The following CDH23 variants were observed in gnomAD, a reference collection of about 807,000 sequenced individuals.
CDH23 encodes the protein cadherin-23.
In CDH23, 189 loss-of-function variants were observed where a neutral mutation model predicts 317.1. That is an observed-to-expected ratio of 0.60 (90% confidence interval 0.53 to 0.67). The LOEUF (loss-of-function observed/expected upper bound fraction) is 0.67. Among genes scored for constraint, CDH23 ranks in the 30% least tolerant of loss-of-function variants. The pLI, the probability that CDH23 is intolerant of heterozygous loss-of-function variation, is 0.00. For synonymous variants in CDH23, 1,839 were observed against 1,876.8 expected, an observed-to-expected ratio of 0.98 and a Z score of 0.52; for missense variants, 4,401 against 4,592.4, an observed-to-expected ratio of 0.96 and a Z score of 1.20.
Position 71,732,235 on chromosome 10 carries a change from A to C in CDH23, c.3964A>C (p.Ile1322Leu), listed in dbSNP as rs1258054683. 2 of 1,613,728 alleles carry C rather than the reference A, an allele frequency of 1.2e-6. No homozygotes were observed. The highest frequency in any genetic ancestry group is 1.3e-5 in the African/African-American group (1 of 75,038). ...CTCCAATGCCTCATACGAGGCTGCC[A>C]TCCTGGAGAATCTGGCACTGGGTAC... is the stretch of plus-strand genomic sequence containing the variant. ...QFSNASYEAA[I>L]LENLALGTEI... The change falls in exon 32 of 70, where the codon ATC (isoleucine) becomes CTC (leucine). Residue 1322 changes from isoleucine to leucine, a missense_variant. By Grantham distance (5) the Ile-to-Leu change is conservative. This residue lies in a region of CDH23 where 3,068 missense variants were observed against 3,203.3 expected (regional missense o/e 0.96). Transcript: ENST00000224721.
rs2132805070 is a variant in CDH23, at chr10:71,725,400, T to C, written c.3459T>C (p.His1153=). The part of the protein sequence containing the change: ...HGNHGNNFRI[H]VSNGLLMRGP... ...ACCATGGCAACAACTTCCGGATCCATGTCAGCAATGGGCTCCTGATGCGAG... is the reference window on the plus strand; with the variant it reads ...ACCATGGCAACAACTTCCGGATCCACGTCAGCAATGGGCTCCTGATGCGAG... Residue 1153 remains histidine (H), a synonymous_variant, in exon 30 of 70, where the codon CAT becomes CAC. Transcript: ENST00000224721. 6.2e-7 allele frequency: 1 copy of C among 1,614,020 alleles called. No homozygotes were observed. Among genetic ancestry groups the C allele is most frequent in the Non-Finnish European group, 8.5e-7 (1 of 1,179,892 alleles).
chr10:71,496,829 A>G (rs1480139536), intron 3 of CDH23, among the ~76,000 whole-genome samples: 1 of 33,752 alleles, frequency 3.0e-5, no homozygotes, highest in Admixed American at 2.1e-4. Context: ...GGTCTGGTGT[A>G]CAGATGGACA....
Position 71,809,016 on chromosome 10 carries a change from T to C in CDH23, c.8723-804T>C, listed in dbSNP as rs78375734. On this transcript the variant is annotated intron_variant, in intron 60 of 69. Transcript: ENST00000224721. ...TGAGCTCTCACTGCTCTTATTTTAATAAATCAAGGCACATAGAGGCTCAGT... is the reference window on the plus strand; with the variant it reads ...TGAGCTCTCACTGCTCTTATTTTAACAAATCAAGGCACATAGAGGCTCAGT... 3.7e-3 allele frequency among the ~76,000 whole-genome samples: 561 copies of C among 152,140 alleles called. 2 individuals are homozygous for C. The highest frequency in any genetic ancestry group is 4.9e-3 in the Non-Finnish European group (334 of 68,034).
chr10:71,793,415 C>G lies in CDH23; in HGVS notation c.6487C>G (p.Leu2163Val). The change falls in exon 48 of 70, where the codon CTG (leucine) becomes GTG (valine). Residue 2163 changes from leucine to valine, a missense_variant. Transcript: ENST00000224721. ...PLSGTAIVTI[L>V]IDDINDSRPE... is the part of the protein sequence containing the mutation. ...CTCGGGCACAGCCATTGTCACCATT[C>G]TGATCGATGACATCAATGACTCCCG... is the stretch of plus-strand genomic sequence containing the variant. 2 of 1,614,064 alleles carry G rather than the reference C, an allele frequency of 1.2e-6. No individual in the cohort carries two copies. The highest frequency in any genetic ancestry group is 8.5e-7 in the Non-Finnish European group (1 of 1,179,906).
intron 38 of CDH23, chr10:71,760,910 A>G: frequency 6.2e-7 from 1 of 1,613,816 alleles, no homozygotes; most frequent in Non-Finnish European, 8.5e-7. Flanking sequence ...ACACAGTTGG[A>G]TGGTGCATCT....
intron 6 of CDH23, among the ~76,000 whole-genome samples, chr10:71,542,469 C>T (rs916943663): frequency 6.6e-6 from 1 of 152,248 alleles, no homozygotes; most frequent in Non-Finnish European, 1.5e-5. Flanking sequence ...GATTCTTGGT[C>T]ACAAGGCTGC....
intron 14 of CDH23, among the ~76,000 whole-genome samples, chr10:71,667,589 G>T (rs1227130773): frequency 6.6e-6 from 1 of 152,076 alleles, no homozygotes; most frequent in African/African-American, 2.4e-5. Context: ...TGTGTTTAAA[G>T]AAGTAGGAAG....
rs1326558717 is a variant in CDH23 at position 71,570,834 on chromosome 10, C to T, written c.669C>T (p.Ala223=). ...TRPLSTLANL[A]IIITDVQDMD... ...CTCTGTCCACCCTGGCCAACTTGGC[C>T]ATCATCATCACAGATGTCCAGGACA... is the stretch of plus-strand genomic sequence containing the variant. Residue 223 remains alanine (A), a synonymous_variant, in exon 8 of 70, where the codon GCC becomes GCT. Coordinates refer to ENST00000224721, the MANE Select transcript of CDH23 (RefSeq NM_022124.6). 1 of 1,613,970 alleles carries T rather than the reference C, an allele frequency of 6.2e-7. No homozygotes were observed. The highest frequency in any genetic ancestry group is 8.5e-7 in the Non-Finnish European group (1 of 1,179,868).
chr10:71,417,133 T>C (rs1438404027), intron 1 of CDH23, among the ~76,000 whole-genome samples: 1 of 151,848 alleles, frequency 6.6e-6, no homozygotes. Context: ...TGGAGTGCAG[T>C]GGCACGATCT....
rs769652690 is a variant in CDH23 at position 71,810,045 on chromosome 10, C to T, written c.8948C>T (p.Thr2983Ile). Reference sequence around the variant, plus strand: ...TTCATCCACCTGCTCTCCAACATCACTGGGGCCATTGTCAATACTGACAAT... The same window carrying T: ...TTCATCCACCTGCTCTCCAACATCATTGGGGCCATTGTCAATACTGACAAT... ...EEFIHLLSNITGAIVNTDNVQ... is the reference protein window; with the variant it reads ...EEFIHLLSNIIGAIVNTDNVQ... Residue 2983 changes from threonine (T) to isoleucine (I), a missense_variant, in exon 61 of 70, where the codon ACT (threonine) becomes ATT (isoleucine). By Grantham distance (89) the Thr-to-Ile change is moderately conservative. Coordinates refer to ENST00000224721, the MANE Select transcript of CDH23 (RefSeq NM_022124.6). 1 of 1,612,726 alleles carries T rather than the reference C, an allele frequency of 6.2e-7. No homozygotes were observed. The highest frequency in any genetic ancestry group is 8.5e-7 in the Non-Finnish European group (1 of 1,179,886).
intron 6 of CDH23, among the ~76,000 whole-genome samples, chr10:71,545,268 G>C (rs1044828252): frequency 9.9e-5 from 15 of 152,154 alleles, no homozygotes; most frequent in African/African-American, 3.4e-4. Flanking sequence ...GGCAGGGGAG[G>C]GGGAGGACAG....
At chr10:71,436,673 G>T (rs1216969959) in intron 1 of CDH23, among the ~76,000 whole-genome samples, 2 of 152,198 alleles carry the variant, frequency 1.3e-5, no homozygotes, top group African/African-American at 2.4e-5. Flanking sequence ...TGGCCTGTGG[G>T]ATTGCCTAAC....
At chr10:71,592,684 A>C (rs1437996382) in intron 9 of CDH23, among the ~76,000 whole-genome samples, 1 of 152,084 alleles carries the variant, frequency 6.6e-6, no homozygotes, top group East Asian at 1.9e-4. Flanking sequence ...TCCCATTGCA[A>C]GATCTTTAAC....
Position 71,814,939 on chromosome 10 carries a change from C to T in CDH23, c.9739-13C>T, listed in dbSNP as rs1263873861. On this transcript the variant is annotated splice_polypyrimidine_tract_variant and intron_variant, in intron 69 of 69. Transcript: ENST00000224721. ...CATGGCCCTGAGCATGTGGGGGTCCCGGCCTCTTGCAGCTGATACAGACTG... is the reference window on the plus strand; with the variant it reads ...CATGGCCCTGAGCATGTGGGGGTCCTGGCCTCTTGCAGCTGATACAGACTG... 2.5e-6 allele frequency: 4 copies of T among 1,599,520 alleles called. No homozygotes were observed. Among genetic ancestry groups the T allele is most frequent in the Non-Finnish European group, 3.4e-6 (4 of 1,171,240 alleles).
At chr10:71,480,800 A>G (rs1469830238) in intron 3 of CDH23, among the ~76,000 whole-genome samples, 1 of 150,814 alleles carries the variant, frequency 6.6e-6, no homozygotes, top group Non-Finnish European at 1.5e-5. Flanking sequence ...ACACAAGAAG[A>G]AGGACATGAT....
intron 3 of CDH23, among the ~76,000 whole-genome samples, chr10:71,483,930 A>G (rs531466661): frequency 6.6e-5 from 10 of 151,704 alleles, no homozygotes; most frequent in African/African-American, 1.9e-4. Context: ...GCCCCCTCAC[A>G]TGCACATTTT....
chr10:71,448,853 G>A (rs1258962361), intron 3 of CDH23, among the ~76,000 whole-genome samples: 1 of 152,116 alleles, frequency 6.6e-6, no homozygotes, highest in Non-Finnish European at 1.5e-5. Context: ...ATGGACGTGT[G>A]GGCTCCATGG....
At chr10:71,688,754 G>GCC (rs2132698635) in intron 19 of CDH23, among the ~76,000 whole-genome samples, 1 of 102,166 alleles carries the variant, frequency 9.8e-6, no homozygotes, top group African/African-American at 3.6e-5. Flanking sequence ...AGCCAGGGGT[G>GCC]GTGGAGCCAG....
intron 3 of CDH23, among the ~76,000 whole-genome samples, chr10:71,486,485 CAG>C (rs370337982): frequency 2.6e-5 from 4 of 151,878 alleles, no homozygotes; most frequent in African/African-American, 9.7e-5. Flanking sequence ...GGACACATGA[CAG>C]GGGCTCGAGG....
Sources: gnomAD v4.1 joint callset for allele counts (sites outside exome capture counted in the v4.1 genomes callset) on GRCh38, gnomAD v4.1.1 for gene constraint, gnomAD v4.1.1 regional missense constraint, MANE v1.5 for transcripts, NCBI Gene and HGNC (gene_info 2026-07-23, HGNC 2026-07-21) for gene names.